PRH1: variants seen among roughly 807,000 people sequenced by gnomAD.
PRH1 encodes the protein salivary acidic proline-rich phosphoprotein 1/2.
In PRH1, 7 loss-of-function variants were observed where a neutral mutation model predicts 7.9. The ratio of observed to expected loss-of-function variants is 0.89; its 90% CI spans 0.50 to 1.67. The LOEUF (loss-of-function observed/expected upper bound fraction) is 1.67. Ranked by LOEUF, PRH1 falls within the 40% of genes most tolerant of loss-of-function variation. The probability of loss-of-function intolerance (pLI) is 0.00; values close to 1 mark genes in which losing one functional copy is unlikely to be tolerated. For synonymous variants in PRH1, 45 were observed against 80.8 expected, an observed-to-expected ratio of 0.56 and a Z score of 2.38; for missense variants, 109 against 223.6, an observed-to-expected ratio of 0.49 and a Z score of 3.27.
chr12:11,029,361 A>C (rs1942071130), intron 1 of PRH1, among the ~76,000 whole-genome samples: 1 of 152,222 alleles, frequency 6.6e-6, no homozygotes, highest in African/African-American at 2.4e-5. Flanking sequence ...GATTTCATAG[A>C]TACTTTTTTA....
intron 1 of PRH1, among the ~76,000 whole-genome samples, chr12:11,105,237 T>C (rs1382378325): frequency 6.6e-6 from 1 of 152,044 alleles, no homozygotes; most frequent in Non-Finnish European, 1.5e-5. Flanking sequence ...ATAAGTTTAA[T>C]GTAGGTGTCC....
chr12:11,041,929 A>T (rs1942723719), intron 1 of PRH1, among the ~76,000 whole-genome samples: 1 of 152,192 alleles, frequency 6.6e-6, no homozygotes, highest in African/African-American at 2.4e-5. Flanking sequence ...CTAGAAACAA[A>T]TGATAGTGGA....
intron 2 of PRH1, among the ~76,000 whole-genome samples, chr12:10,941,976 G>A (rs1205547025): frequency 6.6e-6 from 1 of 152,160 alleles, no homozygotes; most frequent in African/African-American, 2.4e-5. Flanking sequence ...CTGAGCTGTA[G>A]TAATTGTTAT....
rs73262951 is a variant in PRH1 at position 10,975,671 on chromosome 12, A to G, written c.-125-1950T>C. 1.0e-2 allele frequency among the ~76,000 whole-genome samples: 1,521 copies of G among 152,248 alleles called. 22 individuals are homozygous for G. Among genetic ancestry groups the G allele is most frequent in the African/African-American group, 0.035 (1,433 of 41,530 alleles). ...AGCCTAATGGTATGCTGTCCTTAAG[A>G]GACCCATCTCACGTGTAATGATACG... is the stretch of plus-strand genomic sequence containing the variant. On this transcript the variant is annotated intron_variant, in intron 1 of 3. Coordinates refer to the PRH1 transcript ENST00000539853.
chr12:10,898,555 T>C (rs1202046185), intron 2 of PRH1, among the ~76,000 whole-genome samples: 1 of 152,210 alleles, frequency 6.6e-6, no homozygotes, highest in Admixed American at 6.5e-5. Context: ...CAACTATTTT[T>C]AAATGCCCTT....
At chr12:11,010,726 T>A (rs1941030139) in intron 1 of PRH1, among the ~76,000 whole-genome samples, 1 of 151,970 alleles carries the variant, frequency 6.6e-6, no homozygotes, top group African/African-American at 2.4e-5. Context: ...TTACATACAC[T>A]ATTATTAAAG....
At chr12:11,106,887 T>C (rs1945438633) in intron 1 of PRH1, among the ~76,000 whole-genome samples, 1 of 152,238 alleles carries the variant, frequency 6.6e-6, no homozygotes, top group South Asian at 2.1e-4. Flanking sequence ...GGAGTTAGTA[T>C]ACTAGTTGTA....
intron 1 of PRH1, among the ~76,000 whole-genome samples, chr12:10,977,718 T>C (rs894015721): frequency 6.6e-6 from 1 of 152,124 alleles, no homozygotes; most frequent in East Asian, 1.9e-4. Flanking sequence ...ATTCTCAGGA[T>C]ACAAAAATCA....
At chr12:11,147,862 A>G (rs982029533) in intron 1 of PRH1, among the ~76,000 whole-genome samples, 1 of 152,008 alleles carries the variant, frequency 6.6e-6, no homozygotes, top group Non-Finnish European at 1.5e-5. Flanking sequence ...CATTGAATCT[A>G]TAAATTACCT....
chr12:10,992,621 C>T (rs1194766866), intron 1 of PRH1, among the ~76,000 whole-genome samples: 1 of 152,090 alleles, frequency 6.6e-6, no homozygotes, highest in Non-Finnish European at 1.5e-5. Flanking sequence ...CTGTCTTGCC[C>T]AGGCTGATCT....
chr12:11,152,854 T>C (rs780186533), intron 1 of PRH1, among the ~76,000 whole-genome samples: 1 of 152,202 alleles, frequency 6.6e-6, no homozygotes, highest in Non-Finnish European at 1.5e-5. Flanking sequence ...ACCATGAGAA[T>C]AGCCACAGCT....
intron 2 of PRH1, among the ~76,000 whole-genome samples, chr12:10,966,016 GACAC>G (rs887620568): frequency 6.6e-6 from 1 of 151,966 alleles, no homozygotes; most frequent in Admixed American, 6.6e-5. Flanking sequence ...CACATAGACA[GACAC>G]ACACACATAC....
chr12:10,912,541 T>C (rs1271688671), intron 2 of PRH1, among the ~76,000 whole-genome samples: 4 of 152,068 alleles, frequency 2.6e-5, no homozygotes, highest in Non-Finnish European at 4.4e-5. Flanking sequence ...TGGTCGATCT[T>C]TTCAGATGTA....
At chr12:10,937,252 G>C (rs147184780) in intron 2 of PRH1, among the ~76,000 whole-genome samples, 1 of 151,442 alleles carries the variant, frequency 6.6e-6, no homozygotes, top group Non-Finnish European at 1.5e-5. Context: ...GTGTGCGTGC[G>C]TGTGTATGAA....
chr12:10,903,638 C>T (rs1335681587), intron 2 of PRH1, among the ~76,000 whole-genome samples: 1 of 151,838 alleles, frequency 6.6e-6, no homozygotes, highest in Admixed American at 6.6e-5. Flanking sequence ...TCCCCACTCC[C>T]ATCACTCCTA....
At chr12:11,107,745 T>A (rs1945464479) in intron 1 of PRH1, among the ~76,000 whole-genome samples, 1 of 152,162 alleles carries the variant, frequency 6.6e-6, no homozygotes, top group African/African-American at 2.4e-5. Context: ...AACACCAACA[T>A]TCATGGTCAA....
At chr12:11,032,466 C>T (rs1442360214) in intron 1 of PRH1, among the ~76,000 whole-genome samples, 1 of 152,170 alleles carries the variant, frequency 6.6e-6, no homozygotes, top group Non-Finnish European at 1.5e-5. Context: ...TTTCGTATAA[C>T]TTCATTATTC....
At chr12:11,075,832 T>G (rs1284975525) in intron 1 of PRH1, among the ~76,000 whole-genome samples, 2 of 134,230 alleles carry the variant, frequency 1.5e-5, no homozygotes, top group African/African-American at 5.3e-5. Flanking sequence ...TTGTCAAGAG[T>G]TTCGTTTTCA....
At chr12:11,085,577 T>C (rs1432834001) in intron 1 of PRH1, among the ~76,000 whole-genome samples, 1 of 116,256 alleles carries the variant, frequency 8.6e-6, no homozygotes, top group Non-Finnish European at 2.0e-5. Flanking sequence ...CTCTGACTAA[T>C]GTCAAAACGG....
Sources: allele counts gnomAD v4.1 joint callset (sites outside exome capture counted in the v4.1 genomes callset), GRCh38; gene constraint gnomAD v4.1.1; transcripts MANE v1.5; gene names NCBI Gene and HGNC (gene_info 2026-07-23, HGNC 2026-07-21).